Variants in EPHA5 observed in about 807,000 individuals in gnomAD.
EPHA5 encodes EPH receptor A5.
A neutral mutation model predicts 105.0 loss-of-function variants in EPHA5; 60 were observed. That is an observed-to-expected ratio of 0.57 (90% CI 0.46 to 0.71). EPHA5 has a LOEUF of 0.71. EPHA5 is among the 30% of genes least tolerant of loss of function. EPHA5 has a pLI of 0.00. For synonymous variants in EPHA5, 513 were observed against 449.1 expected, an observed-to-expected ratio of 1.14 and a Z score of -1.80; for missense variants, 1,218 against 1,274.7, an observed-to-expected ratio of 0.96 and a Z score of 0.68.
rs2149020954 is a variant in EPHA5 at position 65,414,458 on chromosome 4, G to A, written c.1528-15C>T. On this transcript the variant is annotated splice_polypyrimidine_tract_variant and intron_variant, in intron 6 of 16. Transcript: ENST00000613740. ...GTCTCTTGGTCCTTGGGATGCGCATGCATATACAATAAAAAAGACAGCATA... is the reference window on the plus strand; with the variant it reads ...GTCTCTTGGTCCTTGGGATGCGCATACATATACAATAAAAAAGACAGCATA... 6.2e-7 allele frequency: 1 copy of A among 1,611,772 alleles called. No homozygotes were observed. Among genetic ancestry groups the A allele is most frequent in the Non-Finnish European group, 8.5e-7 (1 of 1,178,806 alleles).
Position 65,670,084 on chromosome 4 carries a change from C to T in EPHA5, c.-342G>A, listed in dbSNP as rs576138275. On this transcript the variant is annotated 5_prime_UTR_variant, in exon 1 of 17. Coordinates refer to ENST00000613740, the MANE Select transcript of EPHA5 (RefSeq NM_001281766.3). ...TTACGGATTGAGAATTTTTAAATAC[C>T]ACTAGGGGAAAGGTGAAGGTTCTTT... is the stretch of plus-strand genomic sequence containing the variant. 5.2e-5 allele frequency: 16 copies of T among 310,486 alleles called. No homozygotes were observed. Among genetic ancestry groups the T allele is most frequent in the African/African-American group, 2.7e-4 (13 of 47,464 alleles). The allele number at this position is 310,486 out of a possible 1,614,324, so 19.2% of individuals were successfully genotyped here.
At chr4:65,641,583 C>T (rs1353813590) in intron 2 of EPHA5, among the ~76,000 whole-genome samples, 1 of 152,016 alleles carries the variant, frequency 6.6e-6, no homozygotes, top group East Asian at 1.9e-4. Context: ...CATTCATTTT[C>T]CTTAAATATA....
intron 5 of EPHA5, among the ~76,000 whole-genome samples, chr4:65,465,832 G>T (rs1198293763): frequency 6.6e-6 from 1 of 152,164 alleles, no homozygotes; most frequent in African/African-American, 2.4e-5. Context: ...TTTGTAAAAT[G>T]ATACAGAATC....
chr4:65,442,262 C>T (rs1578126970), intron 5 of EPHA5, among the ~76,000 whole-genome samples: 2 of 152,092 alleles, frequency 1.3e-5, no homozygotes, highest in Non-Finnish European at 2.9e-5. Flanking sequence ...GAGAAGAGCT[C>T]TTATAAGAAG....
intron 3 of EPHA5, among the ~76,000 whole-genome samples, chr4:65,507,187 C>T (rs1360584852): frequency 6.6e-6 from 1 of 151,948 alleles, no homozygotes; most frequent in Non-Finnish European, 1.5e-5. Context: ...AGATATGTGG[C>T]ATTATTTCTG....
rs557402608 is a variant in EPHA5, at chr4:65,326,482, G to C, written c.2946-2263C>G. 3.3e-5 allele frequency among the ~76,000 whole-genome samples: 5 copies of C among 151,506 alleles called. No homozygotes were observed. In the Admixed American group the frequency reaches 3.3e-4, roughly 10 times the overall value. ...AGGGAATGAAACACATACTTTGCCT[G>C]AGGCTATGGTCACCAAATCTGACCA... On this transcript the variant is annotated intron_variant, in intron 16 of 16. Coordinates refer to ENST00000613740, the MANE Select transcript of EPHA5 (RefSeq NM_001281766.3).
chr4:65,525,221 C>T (rs545760842), intron 3 of EPHA5, among the ~76,000 whole-genome samples: 10 of 151,680 alleles, frequency 6.6e-5, no homozygotes, highest in African/African-American at 2.4e-4. Flanking sequence ...AAAGGAGTGG[C>T]ATTTGGCAGG....
At chr4:65,453,084 G>T (rs1727220941) in intron 5 of EPHA5, among the ~76,000 whole-genome samples, 1 of 152,146 alleles carries the variant, frequency 6.6e-6, no homozygotes, top group East Asian at 1.9e-4. Context: ...TGCTTCCATG[G>T]ATAATCATTT....
intron 3 of EPHA5, among the ~76,000 whole-genome samples, chr4:65,558,382 A>G (rs778800361): frequency 6.6e-6 from 1 of 152,148 alleles, no homozygotes; most frequent in Non-Finnish European, 1.5e-5. Context: ...CAGAAGTAAT[A>G]AAATAGAATA....
At chr4:65,387,839 T>C (rs900298305) in intron 8 of EPHA5, among the ~76,000 whole-genome samples, 1 of 151,926 alleles carries the variant, frequency 6.6e-6, no homozygotes, top group Non-Finnish European at 1.5e-5. Context: ...TATTATACTT[T>C]AAGATTTAGG....
At chr4:65,516,145 T>C (rs1331031380) in intron 3 of EPHA5, among the ~76,000 whole-genome samples, 1 of 152,146 alleles carries the variant, frequency 6.6e-6, no homozygotes, top group Non-Finnish European at 1.5e-5. Flanking sequence ...TCGACCAGCA[T>C]ACAGTCTAAA....
intron 2 of EPHA5, among the ~76,000 whole-genome samples, chr4:65,636,604 T>C (rs1294967269): frequency 1.3e-5 from 2 of 152,128 alleles, no homozygotes; most frequent in Admixed American, 1.3e-4. Context: ...TATATTTATA[T>C]ACTGAAAGTG....
intron 7 of EPHA5, 102 bp downstream of exon 7, chr4:65,414,182 G>C: frequency 3.0e-6 from 3 of 1,000,134 alleles, no homozygotes; most frequent in Middle Eastern, 2.1e-4. Flanking sequence ...GAGAGAGAGG[G>C]AGAGTGAGAC....
chr4:65,567,586 T>C (rs1197934967), intron 3 of EPHA5, among the ~76,000 whole-genome samples: 1 of 151,542 alleles, frequency 6.6e-6, no homozygotes, highest in African/African-American at 2.4e-5. Flanking sequence ...TTATTGAAAA[T>C]GTAATGGAAT....
intron 6 of EPHA5, among the ~76,000 whole-genome samples, chr4:65,419,578 T>C (rs184850201): frequency 1.2e-3 from 177 of 152,294 alleles, no homozygotes; most frequent in Middle Eastern, 0.01. Flanking sequence ...CTGGTTTGGG[T>C]ACCCATCTAT....
chr4:65,637,982 G>T (rs1002623700), intron 2 of EPHA5, among the ~76,000 whole-genome samples: 3 of 151,988 alleles, frequency 2.0e-5, no homozygotes, highest in Non-Finnish European at 4.4e-5. Flanking sequence ...TATGGTACAT[G>T]TATCTGATTA....
At chr4:65,460,961 A>G (rs1389912970) in intron 5 of EPHA5, among the ~76,000 whole-genome samples, 1 of 151,904 alleles carries the variant, frequency 6.6e-6, no homozygotes, top group Non-Finnish European at 1.5e-5. Flanking sequence ...TCAAATTGCT[A>G]TTAGTGTCAT....
intron 2 of EPHA5, among the ~76,000 whole-genome samples, chr4:65,614,526 T>A (rs1745054212): frequency 1.3e-5 from 2 of 151,818 alleles, no homozygotes; most frequent in African/African-American, 4.8e-5. Context: ...TATCTGATAG[T>A]TTGTCAGCTA....
intron 6 of EPHA5, among the ~76,000 whole-genome samples, chr4:65,419,050 A>T (rs1227684352): frequency 6.6e-6 from 1 of 150,976 alleles, no homozygotes; most frequent in Non-Finnish European, 1.5e-5. Context: ...CACCCAGCTA[A>T]TTTTTTGTAT....
Sources: gnomAD v4.1 joint callset for allele counts (sites outside exome capture counted in the v4.1 genomes callset) on GRCh38, gnomAD v4.1.1 for gene constraint, MANE v1.5 for transcripts, NCBI Gene and HGNC (gene_info 2026-07-23, HGNC 2026-07-21) for gene names.